CELSR1: variants seen among roughly 807,000 people sequenced by gnomAD.
CELSR1 encodes the protein cadherin EGF LAG seven-pass G-type receptor 1, also known as adhesion G protein-coupled receptor C1.
In CELSR1, 110 loss-of-function variants were observed where a neutral mutation model predicts 249.1. The observed-to-expected ratio is 0.44, with a 90% CI of 0.38 to 0.52. CELSR1 has a LOEUF of 0.52. CELSR1 is among the 20% of genes least tolerant of loss of function. The probability of loss-of-function intolerance (pLI) is 0.00; values close to 1 mark genes in which losing one functional copy is unlikely to be tolerated. For missense variants in CELSR1, 4,109 were observed against 4,296.4 expected (o/e 0.96, Z 1.22); for synonymous variants, 2,113 against 1,900.0 (o/e 1.11, Z -2.92).
intron 25 of CELSR1, chr22:46,370,233 G>A (rs780600714): frequency 2.7e-5 from 12 of 439,322 alleles, no homozygotes; most frequent in African/African-American, 1.0e-4. Flanking sequence ...GGAGGACGGC[G>A]TCACCTACAG....
At chr22:46,460,176 AAAACACACAC>A (rs1157269996) in intron 2 of CELSR1, among the ~76,000 whole-genome samples, 2 of 111,754 alleles carry the variant, frequency 1.8e-5, no homozygotes, top group African/African-American at 7.1e-5. Flanking sequence ...ACTCAGTCTC[AAAACACACAC>A]ACACACACAC....
At chr22:46,375,360 A>T (rs2078907490) in intron 24 of CELSR1, among the ~76,000 whole-genome samples, 1 of 151,634 alleles carries the variant, frequency 6.6e-6, no homozygotes, top group African/African-American at 2.4e-5. Context: ...TCCCTTCTGG[A>T]GACGTCAAAC....
At chr22:46,392,559 GT>G (rs375433380) in intron 14 of CELSR1, among the ~76,000 whole-genome samples, 4 of 149,416 alleles carry the variant, frequency 2.7e-5, no homozygotes, top group Non-Finnish European at 6.0e-5. Context: ...GTATAACTTT[GT>G]TTTTTTATTT....
At chr22:46,522,170 G>A (rs1031285715) in intron 1 of CELSR1, among the ~76,000 whole-genome samples, 2 of 152,188 alleles carry the variant, frequency 1.3e-5, no homozygotes, top group African/African-American at 4.8e-5. Context: ...CTGTTGTGCA[G>A]TCTGGAGTGC....
rs774861544 is a variant in CELSR1 at position 46,381,855 on chromosome 22, C to T, written c.7079G>A (p.Arg2360His). Residue 2360 changes from arginine to histidine, a missense_variant, in exon 21 of 35, where the codon CGC (arginine) becomes CAC (histidine). By Grantham distance (29) the Arg-to-His change is conservative. Around this residue, in one of 7 missense-constraint regions of CELSR1, gnomAD observed 1,805 missense variants for 1,831.6 expected, o/e 0.99. Coordinates refer to ENST00000674500, the MANE Select transcript of CELSR1 (RefSeq NM_001378328.1). The surrounding 1 kb of genome is among the most constrained non-coding windows in gnomAD (Gnocchi z 6.0). ...CGTGCCCAGGCCTTACCGGAGGCTG[C>T]GACGGTCGGGGTCGTAGCGCTCGGG... is the stretch of plus-strand genomic sequence containing the variant. ...LLPERYDPDRRSLRLPHRPII... is the reference protein window; with the variant it reads ...LLPERYDPDRHSLRLPHRPII... 6.4e-6 allele frequency: 10 copies of T among 1,556,132 alleles called. No homozygotes were observed. The highest frequency in any genetic ancestry group is 1.9e-5 in the Admixed American group (1 of 52,780).
chr22:46,536,197 G>A lies in CELSR1; in HGVS notation c.974C>T (p.Ala325Val), dbSNP rs1602255546. The change falls in exon 1 of 35, where the codon GCC becomes GTC. Residue 325 changes from alanine to valine, a missense_variant. Ala to Val is a moderately conservative substitution (Grantham distance 64). Transcript: ENST00000674500. ...GCGCGGCGGCGTACTGTAGTCCACG[G>A]CTTTCACCCTGAGGACGTGCGTCTC... ...TKETHVLRVK[A>V]VDYSTPPRSA... The A allele has an allele frequency of 1.2e-6, 2 of 1,612,568 alleles. No individual in the cohort carries two copies. Among genetic ancestry groups the A allele is most frequent in the African/African-American group, 1.3e-5 (1 of 74,902 alleles).
At position 46,399,041 on chromosome 22, in the gene CELSR1, C is replaced by G. The variant is rs976934137; in HGVS notation, c.5413-404G>C. On this transcript the variant is annotated intron_variant, in intron 10 of 34. Transcript: ENST00000674500. This position sits in a 1 kb window ranked among gnomAD's most constrained non-coding sequence, Gnocchi z 5.0. The stretch of plus-strand genomic sequence containing the variant: ...AACCCAAGAGGGTCTCGGCTGAGAT[C>G]CAGTCCCAGAAAGGCAGGTGCCTGG... Among the ~76,000 whole-genome samples, 2 of 152,210 alleles carry G rather than the reference C, an allele frequency of 1.3e-5. No homozygotes were observed. The highest frequency in any genetic ancestry group is 4.8e-5 in the African/African-American group (2 of 41,458).
intron 19 of CELSR1, among the ~76,000 whole-genome samples, chr22:46,385,899 G>T (rs140354178): frequency 1.3e-5 from 2 of 150,586 alleles, no homozygotes; most frequent in South Asian, 4.2e-4. Flanking sequence ...GGATGGTCTT[G>T]ATCTCCTGAC....
In CELSR1 at chr22:46,386,536, G is replaced by A. The variant is rs767518536; in HGVS notation, c.6605C>T (p.Ala2202Val). 3.1e-6 allele frequency: 5 copies of A among 1,596,900 alleles called. No homozygotes were observed. Among genetic ancestry groups the A allele is most frequent in the East Asian group, 4.5e-5 (2 of 44,116 alleles). Residue 2202 changes from alanine to valine, a missense_variant, in exon 19 of 35, where the codon GCG (alanine) becomes GTG (valine). Ala to Val is a moderately conservative substitution (Grantham distance 64). Around this residue, in one of 7 missense-constraint regions of CELSR1, gnomAD observed 1,805 missense variants for 1,831.6 expected, o/e 0.99. Coordinates refer to ENST00000674500, the MANE Select transcript of CELSR1 (RefSeq NM_001378328.1). ...SALLAPATRAAWEQIQRSEGG... is the reference protein window; with the variant it reads ...SALLAPATRAVWEQIQRSEGG... ...CTCGCTCCGCTGGATCTGCTCCCAC[G>A]CCGCCCTGGTGGCTGGGGCCAGGAG...
At position 46,475,661 on chromosome 22, in the gene CELSR1, G is replaced by A. The variant is rs955641947; in HGVS notation, c.3545-11316C>T. Among the ~76,000 whole-genome samples the A allele has an allele frequency of 1.1e-4, 17 of 150,294 alleles. No individual in the cohort carries two copies. In the East Asian group the frequency reaches 3.2e-3, roughly 29 times the overall value. ...GCAATTAAAAATAAAGAAACGAATG[G>A]GGGGGGAAGAAACAAGGAGAAATGA... On this transcript the variant is annotated intron_variant, in intron 1 of 34. Coordinates refer to ENST00000674500, the MANE Select transcript of CELSR1 (RefSeq NM_001378328.1).
In CELSR1 at chr22:46,381,043, A is replaced by G; in HGVS notation, c.7089-88T>C. On this transcript the variant is annotated intron_variant, in intron 21 of 34. Coordinates refer to ENST00000674500, the MANE Select transcript of CELSR1 (RefSeq NM_001378328.1). The surrounding 1 kb of genome is among the most constrained non-coding windows in gnomAD (Gnocchi z 6.0). ...CGCACAAATGCCCTGAGGACACGCC[A>G]TGATGTGTTTCTAGGGGAGACAGAA... The G allele has an allele frequency of 1.5e-6, 2 of 1,370,426 alleles. No individual in the cohort carries two copies. The highest frequency in any genetic ancestry group is 2.0e-6 in the Non-Finnish European group (2 of 992,144). 84.9% of individuals were successfully genotyped at this position (1,370,426 alleles called of 1,614,324 possible). A position where few individuals can be genotyped will look rare whatever the true frequency, so the allele number is the denominator to read the frequency against.
In CELSR1 at chr22:46,374,603, C is replaced by A. The variant is rs552969911; in HGVS notation, c.7585-1546G>T. 3.9e-5 allele frequency among the ~76,000 whole-genome samples: 6 copies of A among 152,278 alleles called. No individual in the cohort carries two copies. The highest frequency in any genetic ancestry group is 2.6e-4 in the Admixed American group (4 of 15,298). On this transcript the variant is annotated intron_variant, in intron 24 of 34. Coordinates refer to ENST00000674500, the MANE Select transcript of CELSR1 (RefSeq NM_001378328.1). The surrounding 1 kb of genome is among the most constrained non-coding windows in gnomAD (Gnocchi z 4.3). ...GTGGCTGCCGGGACAGCGCTCACTC[C>A]GGCAGGCGACGAGTCAGTGTGGGAA... is the stretch of plus-strand genomic sequence containing the variant.
rs1602216582 is a variant in CELSR1, at chr22:46,500,496, G to T, written c.3544+33131C>A. On this transcript the variant is annotated intron_variant, in intron 1 of 34. Transcript: ENST00000674500. This position sits in a 1 kb window ranked among gnomAD's most constrained non-coding sequence, Gnocchi z 4.9. Reference sequence around the variant, plus strand: ...CTCTGGGCTTATTCAGATGACTGGGGTGTGCTGAATGGGCTCTGAGCACAA... The same window carrying T: ...CTCTGGGCTTATTCAGATGACTGGGTTGTGCTGAATGGGCTCTGAGCACAA... Among the ~76,000 whole-genome samples, 1 of 152,168 alleles carries T rather than the reference G, an allele frequency of 6.6e-6. No homozygotes were observed. Among genetic ancestry groups the T allele is most frequent in the Admixed American group, 6.5e-5 (1 of 15,272 alleles).
In CELSR1 at chr22:46,512,851, G is replaced by A. The variant is rs981373855; in HGVS notation, c.3544+20776C>T. Among the ~76,000 whole-genome samples, 1 of 152,178 alleles carries A rather than the reference G, an allele frequency of 6.6e-6. No individual in the cohort carries two copies. Among genetic ancestry groups the A allele is most frequent in the Non-Finnish European group, 1.5e-5 (1 of 68,032 alleles). On this transcript the variant is annotated intron_variant, in intron 1 of 34. Coordinates refer to ENST00000674500, the MANE Select transcript of CELSR1 (RefSeq NM_001378328.1). This position sits in a 1 kb window ranked among gnomAD's most constrained non-coding sequence, Gnocchi z 5.2. ...CCCCCCACCCTCTTGTTCCTTCCGGGTCCGGGCTTGTCCCCCACAGCACCT... is the reference window on the plus strand; with the variant it reads ...CCCCCCACCCTCTTGTTCCTTCCGGATCCGGGCTTGTCCCCCACAGCACCT...
Position 46,372,106 on chromosome 22 carries a change from GCTCA to G in CELSR1, c.7759+773_7759+776del, listed in dbSNP as rs553267858. 5.7e-3 allele frequency among the ~76,000 whole-genome samples: 820 copies of G among 145,066 alleles called. 2 individuals carry two copies. Among genetic ancestry groups the G allele is most frequent in the South Asian group, 0.029 (130 of 4,454 alleles). ...CCTCCATCCACCTACCCATCCATCT[GCTCA>G]CTCACTCATTCCTCCATCCACCCAT... is the stretch of plus-strand genomic sequence containing the variant. On this transcript the variant is annotated intron_variant, in intron 25 of 34. Coordinates refer to ENST00000674500, the MANE Select transcript of CELSR1 (RefSeq NM_001378328.1).
Position 46,398,759 on chromosome 22 carries a change from G to T in CELSR1, c.5413-122C>A. ...CTTCAACAAACTCCGCAGAGCCTGA[G>T]GACATCTGGGCCTCCAAAGAGAGAG... On this transcript the variant is annotated intron_variant, in intron 10 of 34. Coordinates refer to ENST00000674500, the MANE Select transcript of CELSR1 (RefSeq NM_001378328.1). The surrounding 1 kb of genome is among the most constrained non-coding windows in gnomAD (Gnocchi z 7.2). 1 of 698,820 alleles carries T rather than the reference G, an allele frequency of 1.4e-6. No homozygotes were observed. Among genetic ancestry groups the T allele is most frequent in the Non-Finnish European group, 2.3e-6 (1 of 431,430 alleles). The allele number at this position is 698,820 out of a possible 1,614,324, so 43.3% of individuals were successfully genotyped here.
chr22:46,476,078 G>A (rs2080205292), intron 1 of CELSR1, among the ~76,000 whole-genome samples: 1 of 152,086 alleles, frequency 6.6e-6, no homozygotes, highest in Admixed American at 6.6e-5. Flanking sequence ...AAGAGTTAAG[G>A]ATTGCTTCCT....
At chr22:46,504,626 A>C (rs1262738670) in intron 1 of CELSR1, among the ~76,000 whole-genome samples, 1 of 152,232 alleles carries the variant, frequency 6.6e-6, no homozygotes, top group African/African-American at 2.4e-5. Context: ...ACAGGATTAG[A>C]AAAGAATAAA....
intron 5 of CELSR1, among the ~76,000 whole-genome samples, chr22:46,419,738 ACT>A (rs1253702344): frequency 6.6e-6 from 1 of 151,792 alleles, no homozygotes; most frequent in Non-Finnish European, 1.5e-5. Context: ...ACTCACCCAC[ACT>A]CGTGCATACT....
Sources: gnomAD v4.1 joint callset for allele counts (sites outside exome capture counted in the v4.1 genomes callset) on GRCh38, gnomAD v4.1.1 for gene constraint, gnomAD v4.1.1 regional missense constraint, Gnocchi (gnomAD v3.1) non-coding constraint, MANE v1.5 for transcripts, NCBI Gene and HGNC (gene_info 2026-07-23, HGNC 2026-07-21) for gene names.